The following PCDHGA9 variants were observed in gnomAD, a reference collection of about 807,000 sequenced individuals.
The protein encoded by PCDHGA9 is protocadherin gamma subfamily A, 9.
A neutral mutation model predicts 62.5 loss-of-function variants in PCDHGA9; 37 were observed. The ratio of observed to expected loss-of-function variants is 0.59; its 90% CI spans 0.46 to 0.78. The LOEUF is 0.78. Ranked by LOEUF, PCDHGA9 falls within the 30% of genes least tolerant of loss-of-function variation. PCDHGA9 has a pLI of 0.00. For missense variants in PCDHGA9, 1,138 were observed against 1,166.2 expected (o/e 0.98, Z 0.35); for synonymous variants, 459 against 484.6 (o/e 0.95, Z 0.69).
intron 1 of PCDHGA9, among the ~76,000 whole-genome samples, chr5:141,483,611 A>G (rs2099583566): frequency 6.6e-6 from 1 of 151,952 alleles, no homozygotes; most frequent in South Asian, 2.1e-4. Context: ...TTACACCTCC[A>G]TCATTCCCAT....
chr5:141,486,346 C>G lies in PCDHGA9; in HGVS notation c.2425-8461C>G. 1 of 1,614,120 alleles carries G rather than the reference C, an allele frequency of 6.2e-7. No individual in the cohort carries two copies. Among genetic ancestry groups the G allele is most frequent in the East Asian group, 2.2e-5 (1 of 44,874 alleles). ...GAGATGTGAGCCTCCGCATTCCTGA[C>G]CACTTGCCATTTGCCCTCAAGTCTG... On this transcript the variant is annotated intron_variant, in intron 1 of 3. Coordinates refer to ENST00000573521, the MANE Select transcript of PCDHGA9 (RefSeq NM_018921.3). This position sits in a 1 kb window ranked among gnomAD's most constrained non-coding sequence, Gnocchi z 5.0.
intron 2 of PCDHGA9, among the ~76,000 whole-genome samples, chr5:141,495,994 T>C (rs2099765151): frequency 6.6e-6 from 1 of 152,146 alleles, no homozygotes; most frequent in Non-Finnish European, 1.5e-5. Flanking sequence ...ATCTCTCTTT[T>C]TCTTTTATCT....
chr5:141,414,849 C>G (rs10038103), intron 1 of PCDHGA9: 1 of 1,614,134 alleles, frequency 6.2e-7, no homozygotes, highest in African/African-American at 1.3e-5. Flanking sequence ...TTGTGCTGGA[C>G]CAGAACGACA....
Position 141,490,486 on chromosome 5 carries a change from G to A in PCDHGA9, c.2425-4321G>A, listed in dbSNP as rs1187388706. The A allele has an allele frequency of 1.2e-6, 2 of 1,614,090 alleles. No individual in the cohort carries two copies. On this transcript the variant is annotated intron_variant, in intron 1 of 3. Transcript: ENST00000573521. The surrounding 1 kb of genome is among the most constrained non-coding windows in gnomAD (Gnocchi z 5.4). ...AACCAGCCAGCCTTTGGACCGGGAG[G>A]CCACATCCCACTATATCATCGAGCT...
chr5:141,456,942 A>C (rs11737987), intron 1 of PCDHGA9, among the ~76,000 whole-genome samples: 42,405 of 152,066 alleles, frequency 0.28, 6,638 homozygotes, highest in African/African-American at 0.43. Flanking sequence ...CAGCCTGGGC[A>C]ACAGAGCAAA....
chr5:141,417,618 G>C, intron 1 of PCDHGA9: 3 of 654,348 alleles, frequency 4.6e-6, no homozygotes, highest in Non-Finnish European at 7.4e-6. Flanking sequence ...CCAGTGCAGA[G>C]CAAGCGCTGA....
chr5:141,434,789 T>C (rs2097718008), intron 1 of PCDHGA9, among the ~76,000 whole-genome samples: 1 of 152,008 alleles, frequency 6.6e-6, no homozygotes, highest in African/African-American at 2.4e-5. Context: ...AAAAAATTTT[T>C]TTTTCTGAGC....
In PCDHGA9 at chr5:141,491,652, G is replaced by A. The variant is rs370043428; in HGVS notation, c.2425-3155G>A. ...AGCAGCCCACAGCTCTGGCGCTGGAGCCTGACGCCATCCGGTCCCGCTCTA... is the reference window on the plus strand; with the variant it reads ...AGCAGCCCACAGCTCTGGCGCTGGAACCTGACGCCATCCGGTCCCGCTCTA... On this transcript the variant is annotated intron_variant, in intron 1 of 3. Transcript: ENST00000573521. This position sits in a 1 kb window ranked among gnomAD's most constrained non-coding sequence, Gnocchi z 6.9. 2 of 1,613,726 alleles carry A rather than the reference G, an allele frequency of 1.2e-6. No homozygotes were observed. Among genetic ancestry groups the A allele is most frequent in the African/African-American group, 1.3e-5 (1 of 74,944 alleles).
chr5:141,467,912 G>A (rs879405529), intron 1 of PCDHGA9, among the ~76,000 whole-genome samples: 1 of 152,086 alleles, frequency 6.6e-6, no homozygotes, highest in Admixed American at 6.6e-5. Context: ...GCCCACCTCA[G>A]CCTCCCAAAA....
chr5:141,414,161 G>A (rs960511656), intron 1 of PCDHGA9: 1 of 1,603,276 alleles, frequency 6.2e-7, no homozygotes, highest in Non-Finnish European at 8.5e-7. Flanking sequence ...GAAGATGGAG[G>A]AGCATATCTT....
At chr5:141,478,412 TC>T in intron 1 of PCDHGA9, 2 of 1,611,958 alleles carry the variant, frequency 1.2e-6, no homozygotes, top group Non-Finnish European at 1.7e-6. Flanking sequence ...CACCACGGAC[TC>T]CCGCCGCAGC....
intron 1 of PCDHGA9, chr5:141,478,803 T>G: frequency 2.1e-6 from 3 of 1,463,244 alleles, no homozygotes; most frequent in Non-Finnish European, 2.7e-6. Context: ...AGCACTCTTT[T>G]GCTATCACAA....
chr5:141,444,545 C>G (rs1346405150), intron 1 of PCDHGA9, among the ~76,000 whole-genome samples: 1 of 152,042 alleles, frequency 6.6e-6, no homozygotes, highest in Non-Finnish European at 1.5e-5. Context: ...GTCTAGTGAG[C>G]AAAAGGCACT....
At chr5:141,502,134 C>T (rs566073996) in intron 2 of PCDHGA9, among the ~76,000 whole-genome samples, 10 of 152,288 alleles carry the variant, frequency 6.6e-5, no homozygotes, top group African/African-American at 2.2e-4. Flanking sequence ...AGAGCTCAGT[C>T]GGGCCGGAAG....
intron 1 of PCDHGA9, chr5:141,420,083 A>C (rs2096465782): frequency 2.5e-6 from 4 of 1,614,020 alleles, no homozygotes; most frequent in Non-Finnish European, 3.4e-6. Context: ...GGGTCCCCCC[A>C]ACTACAGTGA....
intron 1 of PCDHGA9, chr5:141,410,657 G>A: frequency 1.9e-6 from 3 of 1,579,248 alleles, no homozygotes; most frequent in Non-Finnish European, 2.6e-6. Flanking sequence ...TTATCTAATA[G>A]TCTACTAGTT....
chr5:141,413,045 G>A, intron 1 of PCDHGA9: 1 of 894,362 alleles, frequency 1.1e-6, no homozygotes, highest in South Asian at 1.9e-5. Flanking sequence ...CTGGGCTGCA[G>A]GGAAGCTCAC....
chr5:141,511,598 A>C lies in PCDHGA9; in HGVS notation c.*425A>C. ...GGTTGGGGTGTTGAAGTACCAAGTA[A>C]CCTACAAGCCTCCTAGTTCTGAAAA... On this transcript the variant is annotated 3_prime_UTR_variant, in exon 4 of 4. Transcript: ENST00000573521. 3.9e-6 allele frequency: 1 copy of C among 255,742 alleles called. No individual in the cohort carries two copies. The highest frequency in any genetic ancestry group is 7.8e-6 in the Non-Finnish European group (1 of 127,952). The allele number at this position is 255,742 out of a possible 1,614,324, so 15.8% of individuals were successfully genotyped here.
In PCDHGA9 at chr5:141,490,376, C is replaced by T. The variant is rs761956816; in HGVS notation, c.2425-4431C>T. 2 of 1,614,184 alleles carry T rather than the reference C, an allele frequency of 1.2e-6. No individual in the cohort carries two copies. The highest frequency in any genetic ancestry group is 1.7e-6 in the Non-Finnish European group (2 of 1,180,036). ...TTGTTTAATGTGCGAGACCGGGACT[C>T]AGGTAGAAATGGTGAAGTGAGCCTT... is the stretch of plus-strand genomic sequence containing the variant. On this transcript the variant is annotated intron_variant, in intron 1 of 3. Transcript: ENST00000573521. The surrounding 1 kb of genome is among the most constrained non-coding windows in gnomAD (Gnocchi z 5.4).
Sources: allele counts gnomAD v4.1 joint callset (sites outside exome capture counted in the v4.1 genomes callset), GRCh38; gene constraint gnomAD v4.1.1; non-coding constraint Gnocchi (gnomAD v3.1); transcripts MANE v1.5; gene names NCBI Gene and HGNC (gene_info 2026-07-23, HGNC 2026-07-21).